Variants in IGSF5 observed in about 807,000 individuals in gnomAD.
IGSF5 encodes immunoglobulin superfamily member 5.
Under a neutral mutation model 39.4 loss-of-function variants are expected in IGSF5, and 41 were observed. The observed-to-expected ratio is 1.04, with a 90% CI of 0.81 to 1.35. IGSF5 has a LOEUF of 1.35. IGSF5 is among the 40% of genes most tolerant of loss of function. The pLI is 0.00. For missense variants in IGSF5, 487 were observed against 494.6 expected, an observed-to-expected ratio of 0.98 and a Z score of 0.15; for synonymous variants, 183 against 175.3, an observed-to-expected ratio of 1.04 and a Z score of -0.34.
chr21:39,734,422 CA>C, the IGSF5 span, among the ~76,000 whole-genome samples: 22,547 of 95,918 alleles, frequency 0.24, 2,563 homozygotes, highest in Non-Finnish European at 0.27. Flanking sequence ...GACTCTGTCT[CA>C]AAAAAAAAAA....
At chr21:39,790,952 A>G (rs1417554918) in intron 6 of IGSF5, among the ~76,000 whole-genome samples, 1 of 152,266 alleles carries the variant, frequency 6.6e-6, no homozygotes, top group Non-Finnish European at 1.5e-5. Context: ...TTTAAAATAT[A>G]TGGGAGGATG....
intron 2 of IGSF5, among the ~76,000 whole-genome samples, chr21:39,762,553 G>A (rs561022947): frequency 6.6e-6 from 1 of 152,286 alleles, no homozygotes; most frequent in Admixed American, 6.5e-5. Flanking sequence ...GATCATAAAT[G>A]TTCTTATCAG....
intron 3 of IGSF5, among the ~76,000 whole-genome samples, chr21:39,770,109 GT>G (rs1270080937): frequency 1.3e-5 from 2 of 152,120 alleles, no homozygotes; most frequent in African/African-American, 4.8e-5. Context: ...GTAGTCCAGA[GT>G]TTCAGCATGT....
In IGSF5 at chr21:39,775,458, G is replaced by A. The variant is rs150562180; in HGVS notation, c.719-3632G>A. 8.4e-3 allele frequency among the ~76,000 whole-genome samples: 1,282 copies of A among 152,324 alleles called. 13 individuals carry two copies. Among genetic ancestry groups the A allele is most frequent in the African/African-American group, 0.03 (1,228 of 41,562 alleles). ...TTTGGTATTAATATGTACTTGGCAC[G>A]TGTTGGTGGTGACATTTTATATTAA... On this transcript the variant is annotated intron_variant, in intron 4 of 8. Coordinates refer to ENST00000380588, the MANE Select transcript of IGSF5 (RefSeq NM_001080444.2).
At chr21:39,793,196 G>A (rs916888362) in intron 7 of IGSF5, among the ~76,000 whole-genome samples, 2 of 152,066 alleles carry the variant, frequency 1.3e-5, no homozygotes, top group Admixed American at 6.6e-5. Context: ...AAAAATCATG[G>A]CCCAAATCAA....
At chr21:39,798,835 C>T (rs951880590) in intron 8 of IGSF5, among the ~76,000 whole-genome samples, 22 of 152,236 alleles carry the variant, frequency 1.4e-4, no homozygotes, top group Non-Finnish European at 2.9e-4. Context: ...AGACAAGATG[C>T]AGTGGTGAAA....
the IGSF5 span, among the ~76,000 whole-genome samples, chr21:39,719,194 C>T: frequency 6.6e-6 from 1 of 152,130 alleles, no homozygotes; most frequent in Non-Finnish European, 1.5e-5. Flanking sequence ...TTGAAAGAAG[C>T]TCTTGCTATG....
At chr21:39,726,348 T>G in the IGSF5 span, among the ~76,000 whole-genome samples, 1 of 152,132 alleles carries the variant, frequency 6.6e-6, no homozygotes, top group Non-Finnish European at 1.5e-5. Context: ...GAAGAAAGAT[T>G]GGAAGATTGG....
At chr21:39,773,167 C>CTG (rs2080123324) in intron 4 of IGSF5, among the ~76,000 whole-genome samples, 1 of 152,094 alleles carries the variant, frequency 6.6e-6, no homozygotes, top group Admixed American at 6.5e-5. Context: ...TGTGTTGTTC[C>CTG]CCTCTATGTA....
the IGSF5 span, among the ~76,000 whole-genome samples, chr21:39,721,686 CCTTCCTT>C: frequency 1.4e-5 from 1 of 72,246 alleles, no homozygotes; most frequent in African/African-American, 4.6e-5. Flanking sequence ...TTCCTTCCTT[CCTTCCTT>C]CCTTCCTTCC....
chr21:39,773,627 C>A (rs190653110), intron 4 of IGSF5, among the ~76,000 whole-genome samples: 1 of 152,072 alleles, frequency 6.6e-6, no homozygotes, highest in Non-Finnish European at 1.5e-5. Context: ...TTCCGACATC[C>A]CCCTATTAGT....
At position 39,758,796 on chromosome 21, in the gene IGSF5, T is replaced by G. The variant is rs9980141; in HGVS notation, c.101-6739T>G. 4.5e-3 allele frequency among the ~76,000 whole-genome samples: 692 copies of G among 152,338 alleles called. 3 individuals are homozygous for G. The highest frequency in any genetic ancestry group is 0.01 in the Middle Eastern group (3 of 294). ...TTTCATTAGGTTTGTTTAGTTTCCA[T>G]TGCTTCAGGGGTGTTAGTTTTGTGT... On this transcript the variant is annotated intron_variant, in intron 2 of 8. Transcript: ENST00000380588.
At chr21:39,718,516 A>T in the IGSF5 span, among the ~76,000 whole-genome samples, 1 of 152,174 alleles carries the variant, frequency 6.6e-6, no homozygotes, top group African/African-American at 2.4e-5. Flanking sequence ...ATTTTGAGGT[A>T]TATTCCTTCA....
the IGSF5 span, among the ~76,000 whole-genome samples, chr21:39,734,184 G>A: frequency 1.3e-5 from 2 of 152,064 alleles, no homozygotes; most frequent in Admixed American, 1.3e-4. Context: ...CAGCACTGTG[G>A]GATGCCAAGG....
intron 2 of IGSF5, among the ~76,000 whole-genome samples, chr21:39,764,884 C>G (rs1402627449): frequency 2.6e-5 from 4 of 152,132 alleles, no homozygotes; most frequent in African/African-American, 9.7e-5. Flanking sequence ...GAAAAGAGTA[C>G]GAAATTCAGA....
At chr21:39,758,964 A>G (rs771957608) in intron 2 of IGSF5, among the ~76,000 whole-genome samples, 1 of 152,246 alleles carries the variant, frequency 6.6e-6, no homozygotes, top group African/African-American at 2.4e-5. Flanking sequence ...GCACATTTGT[A>G]TGATCGATGT....
chr21:39,724,443 T>C, the IGSF5 span, among the ~76,000 whole-genome samples: 1 of 152,174 alleles, frequency 6.6e-6, no homozygotes, highest in South Asian at 2.1e-4. Context: ...TGGGAGGTAA[T>C]TGAATCATGG....
At chr21:39,752,800 T>G (rs947005366) in intron 2 of IGSF5, among the ~76,000 whole-genome samples, 1 of 152,226 alleles carries the variant, frequency 6.6e-6, no homozygotes, top group African/African-American at 2.4e-5. Flanking sequence ...TATCTTCTTT[T>G]GAGAATTGTC....
At chr21:39,726,719 C>T in the IGSF5 span, among the ~76,000 whole-genome samples, 1 of 152,222 alleles carries the variant, frequency 6.6e-6, no homozygotes, top group South Asian at 2.1e-4. Flanking sequence ...GGAATTGACA[C>T]CTGCTGCTAA....
Sources: gnomAD v4.1 joint callset for allele counts (sites outside exome capture counted in the v4.1 genomes callset) on GRCh38, gnomAD v4.1.1 for gene constraint, MANE v1.5 for transcripts, NCBI Gene and HGNC (gene_info 2026-07-23, HGNC 2026-07-21) for gene names.